The following PPP1R1C variants were observed in gnomAD, a reference collection of about 807,000 sequenced individuals.
PPP1R1C encodes protein phosphatase 1 regulatory subunit 1C.
A neutral mutation model predicts 17.4 loss-of-function variants in PPP1R1C; 15 were observed. The ratio of observed to expected loss-of-function variants is 0.86; its 90% confidence interval spans 0.58 to 1.33. PPP1R1C has a LOEUF of 1.33. PPP1R1C is among the 40% of genes most tolerant of loss of function. The probability of loss-of-function intolerance (pLI) is 0.00; values close to 1 mark genes in which losing one functional copy is unlikely to be tolerated. For synonymous variants in PPP1R1C, 35 were observed against 43.1 expected, an observed-to-expected ratio of 0.81 and a Z score of 0.73; for missense variants, 143 against 130.0, an observed-to-expected ratio of 1.10 and a Z score of -0.48.
At chr2:182,113,875 G>A (rs1326257795) in intron 4 of PPP1R1C, among the ~76,000 whole-genome samples, 1 of 152,102 alleles carries the variant, frequency 6.6e-6, no homozygotes, top group East Asian at 1.9e-4. Flanking sequence ...ATATTGGCCT[G>A]TGGTTTGCCA....
At chr2:182,110,855 A>T (rs933647583) in intron 4 of PPP1R1C, among the ~76,000 whole-genome samples, 6 of 152,046 alleles carry the variant, frequency 3.9e-5, no homozygotes, top group African/African-American at 1.4e-4. Context: ...TAGCTCCATT[A>T]TGTGTAGGCT....
At chr2:182,081,351 G>A (rs559328033) in intron 4 of PPP1R1C, among the ~76,000 whole-genome samples, 279 of 152,150 alleles carry the variant, frequency 1.8e-3, no homozygotes, top group Non-Finnish European at 2.9e-3. Context: ...TTCAGTTTCC[G>A]GGTGAATACA....
intron 2 of PPP1R1C, among the ~76,000 whole-genome samples, chr2:181,980,100 T>A (rs1241489342): frequency 6.6e-6 from 1 of 152,202 alleles, no homozygotes; most frequent in Admixed American, 6.5e-5. Context: ...GAGGTTGGGA[T>A]CTTATTGTAT....
intron 2 of PPP1R1C, among the ~76,000 whole-genome samples, chr2:182,018,951 GA>G (rs1225975486): frequency 6.6e-5 from 10 of 152,080 alleles, no homozygotes; most frequent in Non-Finnish European, 1.5e-4. Flanking sequence ...CCTGGAAAAG[GA>G]AAATACTTTT....
At chr2:181,985,452 T>C (rs1309125021), upstream of PPP1R1C, among the ~76,000 whole-genome samples, 1 of 152,178 alleles carries the variant, frequency 6.6e-6, no homozygotes, top group East Asian at 1.9e-4. This position sits in a 1 kb window ranked among gnomAD's most constrained non-coding sequence, Gnocchi z 4.1. Context: ...CTCTGCCTCC[T>C]AGGATGAGTT....
chr2:182,002,416 A>G (rs1294714573), intron 2 of PPP1R1C, among the ~76,000 whole-genome samples: 1 of 152,136 alleles, frequency 6.6e-6, no homozygotes, highest in African/African-American at 2.4e-5. Context: ...ACCTGCTCCA[A>G]ATTTTATACT....
At chr2:182,089,917 T>A (rs931382681) in intron 4 of PPP1R1C, among the ~76,000 whole-genome samples, 1 of 152,074 alleles carries the variant, frequency 6.6e-6, no homozygotes, top group Non-Finnish European at 1.5e-5. Context: ...ATAAATATTT[T>A]ACAGCAATTT....
At chr2:182,046,136 CCTT>C (rs1344479157) in intron 2 of PPP1R1C, among the ~76,000 whole-genome samples, 4 of 149,898 alleles carry the variant, frequency 2.7e-5, no homozygotes, top group South Asian at 4.2e-4. Context: ...TTCCTTCCTT[CCTT>C]CTTCCTTCCT....
chr2:182,038,356 A>G (rs1397753923), intron 2 of PPP1R1C, among the ~76,000 whole-genome samples: 1 of 152,170 alleles, frequency 6.6e-6, no homozygotes, highest in Non-Finnish European at 1.5e-5. Flanking sequence ...TAATTTTTAA[A>G]CTAACTATCC....
intron 4 of PPP1R1C, among the ~76,000 whole-genome samples, chr2:182,106,407 C>A (rs1202999293): frequency 6.6e-6 from 1 of 152,206 alleles, no homozygotes; most frequent in Non-Finnish European, 1.5e-5. Context: ...CAAGCACCAG[C>A]AGACGCTGTC....
At chr2:182,063,691 T>C in intron 3 of PPP1R1C, 40 bp from the exon 4 acceptor site, 1 of 1,532,292 alleles carries the variant, frequency 6.5e-7, no homozygotes, top group Non-Finnish European at 9.0e-7. Context: ...GTACTTTGTA[T>C]CCAAATCTAA....
At chr2:182,084,548 G>A (rs1425614330) in intron 4 of PPP1R1C, among the ~76,000 whole-genome samples, 4 of 151,918 alleles carry the variant, frequency 2.6e-5, no homozygotes, top group African/African-American at 9.7e-5. Flanking sequence ...TTATGTTTTT[G>A]TATGCTTCAT....
At chr2:182,034,953 C>A (rs1307032686) in intron 2 of PPP1R1C, among the ~76,000 whole-genome samples, 3 of 152,186 alleles carry the variant, frequency 2.0e-5, no homozygotes, top group African/African-American at 4.8e-5. Context: ...CTTTAATGCA[C>A]TACATTGTGA....
intron 1 of PPP1R1C, among the ~76,000 whole-genome samples, chr2:181,955,373 C>T (rs1289929538): frequency 6.6e-6 from 1 of 152,110 alleles, no homozygotes; most frequent in Admixed American, 6.5e-5. Flanking sequence ...TAAGGGAGAC[C>T]AGCACAAATA....
At chr2:182,057,485 TG>T (rs1559075045) in intron 2 of PPP1R1C, among the ~76,000 whole-genome samples, 3 of 152,154 alleles carry the variant, frequency 2.0e-5, no homozygotes, top group East Asian at 1.9e-4. Context: ...AGCAGCAAGC[TG>T]GGGGATATGT....
intron 4 of PPP1R1C, among the ~76,000 whole-genome samples, chr2:182,094,336 G>A (rs374088245): frequency 3.2e-4 from 48 of 152,104 alleles, no homozygotes; most frequent in African/African-American, 9.7e-4. Context: ...TGGGAATTAC[G>A]GGAGATACAA....
At chr2:182,107,980 T>C (rs1689301849) in intron 4 of PPP1R1C, among the ~76,000 whole-genome samples, 1 of 151,964 alleles carries the variant, frequency 6.6e-6, no homozygotes. Context: ...TTCTGAAACA[T>C]TGCTCTAGAA....
chr2:182,028,773 C>G (rs1686709085), intron 2 of PPP1R1C, among the ~76,000 whole-genome samples: 1 of 133,904 alleles, frequency 7.5e-6, no homozygotes, highest in South Asian at 2.8e-4. Flanking sequence ...TCCTTGTTGA[C>G]TTTCTGTCTC....
At chr2:181,959,585 TG>T (rs1473963645) in intron 1 of PPP1R1C, among the ~76,000 whole-genome samples, 1 of 152,166 alleles carries the variant, frequency 6.6e-6, no homozygotes, top group Non-Finnish European at 1.5e-5. Context: ...CAGCAAAATA[TG>T]TGGGAATATT....
Sources: gnomAD v4.1 joint callset for allele counts (sites outside exome capture counted in the v4.1 genomes callset) on GRCh38, gnomAD v4.1.1 for gene constraint, Gnocchi (gnomAD v3.1) non-coding constraint, MANE v1.5 for transcripts, NCBI Gene and HGNC (gene_info 2026-07-23, HGNC 2026-07-21) for gene names.